Variants in IL15 observed in about 807,000 individuals in gnomAD.
IL15 encodes interleukin-15.
Under a neutral mutation model 19.6 loss-of-function variants are expected in IL15, and 11 were observed. The ratio of observed to expected loss-of-function variants is 0.56; its 90% CI spans 0.35 to 0.93. The LOEUF (loss-of-function observed/expected upper bound fraction) is 0.93, where lower values mean the gene tolerates loss of function less well. IL15 is among the 40% of genes least tolerant of loss of function. The probability of loss-of-function intolerance (pLI) is 0.01; values close to 1 mark genes in which losing one functional copy is unlikely to be tolerated. For missense variants in IL15, 197 were observed against 186.5 expected (o/e 1.06, Z -0.33); for synonymous variants, 58 against 59.6 (o/e 0.97, Z 0.12).
intron 2 of IL15, among the ~76,000 whole-genome samples, chr4:141,694,299 A>G (rs1303527494): frequency 6.6e-6 from 1 of 152,226 alleles, no homozygotes; most frequent in African/African-American, 2.4e-5. Flanking sequence ...TTACTGGACT[A>G]TTAAATGTAA....
intron 2 of IL15, among the ~76,000 whole-genome samples, chr4:141,690,412 G>GTCACCTC (rs1728871982): frequency 6.6e-6 from 1 of 152,194 alleles, no homozygotes. Flanking sequence ...ACAGCAGGCT[G>GTCACCTC]TCACCTCTCA....
intron 2 of IL15, among the ~76,000 whole-genome samples, chr4:141,657,868 A>T (rs1377812394): frequency 6.6e-6 from 1 of 152,258 alleles, no homozygotes; most frequent in African/African-American, 2.4e-5. Context: ...CAATAATGAT[A>T]AAAAGTATAG....
At chr4:141,638,973 T>C (rs1204161541) in intron 1 of IL15, among the ~76,000 whole-genome samples, 18 of 152,238 alleles carry the variant, frequency 1.2e-4, no homozygotes, top group Admixed American at 1.2e-3. Context: ...TTCTGAAGGT[T>C]AGCTGATCAT....
chr4:141,667,619 G>A (rs889059493), intron 2 of IL15, among the ~76,000 whole-genome samples: 1 of 152,038 alleles, frequency 6.6e-6, no homozygotes, highest in Non-Finnish European at 1.5e-5. Context: ...GTCTTGTCTG[G>A]CCAGCAAGAT....
At chr4:141,724,426 A>G (rs1560938936) in intron 5 of IL15, among the ~76,000 whole-genome samples, 4 of 152,070 alleles carry the variant, frequency 2.6e-5, no homozygotes, top group Admixed American at 2.0e-4. Flanking sequence ...AAGTAGAGCA[A>G]AACAAATTCA....
At chr4:141,709,778 T>A (rs1057177873) in intron 2 of IL15, among the ~76,000 whole-genome samples, 4 of 152,198 alleles carry the variant, frequency 2.6e-5, no homozygotes, top group African/African-American at 9.7e-5. Context: ...TTTTCTCAAC[T>A]TTTATTTTAG....
intron 1 of IL15, among the ~76,000 whole-genome samples, chr4:141,653,211 G>A (rs937538349): frequency 2.6e-5 from 4 of 152,096 alleles, no homozygotes; most frequent in African/African-American, 7.2e-5. Flanking sequence ...AGCCTCCTTT[G>A]GTTCAGAAAC....
At chr4:141,676,554 T>C (rs1728352283) in intron 2 of IL15, among the ~76,000 whole-genome samples, 1 of 152,180 alleles carries the variant, frequency 6.6e-6, no homozygotes. Flanking sequence ...TGGAAGGGAT[T>C]GTCAGTGACA....
chr4:141,646,785 A>G (rs1008660437), intron 1 of IL15, among the ~76,000 whole-genome samples: 9 of 152,106 alleles, frequency 5.9e-5, no homozygotes, highest in Non-Finnish European at 1.0e-4. Flanking sequence ...ATAAGGGACT[A>G]TGGACTTGTA....
At position 141,658,758 on chromosome 4, in the gene IL15, T is replaced by C. The variant is rs1239465876; in HGVS notation, c.-100+2451T>C. Among the ~76,000 whole-genome samples the C allele has an allele frequency of 2.6e-5, 4 of 152,100 alleles. No homozygotes were observed. In the East Asian group the frequency reaches 7.7e-4, roughly 29 times the overall value. On this transcript the variant is annotated intron_variant, in intron 2 of 7. Transcript: ENST00000320650. ...ATGAGAAAATAAAATAAATATAAAT[T>C]CAAAGAAAAAACACGGAAATCATGC...
chr4:141,670,221 A>G (rs1369709444), intron 2 of IL15, among the ~76,000 whole-genome samples: 3 of 152,064 alleles, frequency 2.0e-5, no homozygotes, highest in Admixed American at 6.6e-5. Flanking sequence ...GGCTTACTGG[A>G]TGTCACAGAG....
At chr4:141,693,016 C>CAAAAAAAAAAAAAAAAA (rs70949131) in intron 2 of IL15, among the ~76,000 whole-genome samples, 1,674 of 23,230 alleles carry the variant, frequency 0.072, 492 homozygotes, top group Non-Finnish European at 0.082. Context: ...GACTCCGTCT[C>CAAAAAAAAAAAAAAAAA]AAAAAAAAAA....
At chr4:141,673,017 C>A (rs928758053) in intron 2 of IL15, among the ~76,000 whole-genome samples, 1 of 152,148 alleles carries the variant, frequency 6.6e-6, no homozygotes, top group African/African-American at 2.4e-5. Context: ...CTGCTGTGAG[C>A]TTTTCTTTCT....
intron 2 of IL15, among the ~76,000 whole-genome samples, chr4:141,659,177 C>A (rs1259679807): frequency 6.7e-6 from 1 of 149,030 alleles, no homozygotes; most frequent in African/African-American, 2.5e-5. Context: ...TTAAGAATTC[C>A]CCAAACTCAA....
intron 1 of IL15, among the ~76,000 whole-genome samples, chr4:141,642,203 T>G (rs1211672843): frequency 6.6e-6 from 1 of 152,098 alleles, no homozygotes; most frequent in Non-Finnish European, 1.5e-5. Context: ...TAGGGAGAGA[T>G]AGGCATTTTT....
intron 1 of IL15, among the ~76,000 whole-genome samples, chr4:141,650,574 A>T (rs933631984): frequency 6.6e-6 from 1 of 152,136 alleles, no homozygotes; most frequent in Non-Finnish European, 1.5e-5. Flanking sequence ...ACACATTGCT[A>T]AATTTCAATT....
At chr4:141,649,441 C>G (rs1376055293) in intron 1 of IL15, among the ~76,000 whole-genome samples, 1 of 151,216 alleles carries the variant, frequency 6.6e-6, no homozygotes, top group Non-Finnish European at 1.5e-5. Flanking sequence ...AGTGGTGGAA[C>G]TGGAGCTTGA....
At chr4:141,677,741 A>C (rs2222277) in intron 2 of IL15, among the ~76,000 whole-genome samples, 13,695 of 152,244 alleles carry the variant, frequency 0.09, 861 homozygotes, top group Admixed American at 0.22. Context: ...TACCAGCCAG[A>C]TAAAGTTCTC....
chr4:141,720,278 G>A (rs773399176), intron 3 of IL15, among the ~76,000 whole-genome samples, 191 bp from the exon 4 acceptor site: 18 of 152,088 alleles, frequency 1.2e-4, no homozygotes, highest in Non-Finnish European at 2.4e-4. Flanking sequence ...TTGTGCATAA[G>A]AGACAGAGTT....
Sources: allele counts gnomAD v4.1 joint callset (sites outside exome capture counted in the v4.1 genomes callset), GRCh38; gene constraint gnomAD v4.1.1; transcripts MANE v1.5; gene names NCBI Gene and HGNC (gene_info 2026-07-23, HGNC 2026-07-21).